The following ANO9 variants were observed in gnomAD, a reference collection of about 807,000 sequenced individuals.
ANO9 encodes the protein anoctamin 9.
Under a neutral mutation model 100.5 loss-of-function variants are expected in ANO9, and 80 were observed. That is an observed-to-expected ratio of 0.80 (90% confidence interval 0.66 to 0.96). The LOEUF (loss-of-function observed/expected upper bound fraction) is 0.96. ANO9 is among the 40% of genes least tolerant of loss of function. The probability of loss-of-function intolerance (pLI) is 0.00; values close to 1 mark genes in which losing one functional copy is unlikely to be tolerated. For synonymous variants in ANO9, 473 were observed against 435.6 expected (o/e 1.09, Z -1.07); for missense variants, 1,064 against 1,072.7 (o/e 0.99, Z 0.11).
rs761279424 is a variant in ANO9, at chr11:421,698, G to C, written c.1335-500C>G. On this transcript the variant is annotated intron_variant, in intron 15 of 22. Transcript: ENST00000332826. This position sits in a 1 kb window ranked among gnomAD's most constrained non-coding sequence, Gnocchi z 6.8. Reference sequence around the variant, plus strand: ...GCCACAGGCTCCAACACACGCTCCAGACAGTGTCTGTTACGAGTGGCCTCG... The same window carrying C: ...GCCACAGGCTCCAACACACGCTCCACACAGTGTCTGTTACGAGTGGCCTCG... 1.3e-4 allele frequency among the ~76,000 whole-genome samples: 20 copies of C among 152,360 alleles called. No individual in the cohort carries two copies. Among genetic ancestry groups the C allele is most frequent in the Non-Finnish European group, 2.5e-4 (17 of 68,044 alleles).
At chr11:440,621 C>G (rs1314192243) in intron 1 of ANO9, 1 of 152,434 alleles carries the variant, frequency 6.6e-6, no homozygotes, top group Non-Finnish European at 1.5e-5. Context: ...CCCAGAACTC[C>G]CAGGCTCGAG....
chr11:434,203 T>G, intron 1 of ANO9, 105 bp from the exon 2 acceptor site: 1 of 1,313,040 alleles, frequency 7.6e-7, no homozygotes, highest in South Asian at 1.4e-5. Context: ...ACACCGTCCC[T>G]CCCCACAAGG....
chr11:428,816 G>A lies in ANO9; in HGVS notation c.926C>T (p.Ala309Val), dbSNP rs1848687844. 1 of 1,613,116 alleles carries A rather than the reference G, an allele frequency of 6.2e-7. No homozygotes were observed. Among genetic ancestry groups the A allele is most frequent in the Non-Finnish European group, 8.5e-7 (1 of 1,179,906 alleles). Reference sequence around the variant, plus strand: ...GTCGGGGCAGTTAATGAGCTGAAGTGCCATTTCCTCCTGGGGAGAGCACCG... The same window carrying A: ...GTCGGGGCAGTTAATGAGCTGAAGTACCATTTCCTCCTGGGGAGAGCACCG... Reference protein sequence around the residue: ...YVWDEEQEEMALQLINCPDYK... With the variant: ...YVWDEEQEEMVLQLINCPDYK... The change falls in exon 12 of 23, where the codon GCA (alanine) becomes GTA (valine). Residue 309 changes from alanine to valine, a missense_variant. Coordinates refer to ENST00000332826, the MANE Select transcript of ANO9 (RefSeq NM_001012302.3).
At position 418,032 on chromosome 11, in the gene ANO9, G is replaced by A. The variant is rs1207937358; in HGVS notation, c.*339C>T. ...CCCCCAACAGCCAGGATGGGGGCACGGCAGGATCTGGCGCCCAGAAGTCAG... is the reference window on the plus strand; with the variant it reads ...CCCCCAACAGCCAGGATGGGGGCACAGCAGGATCTGGCGCCCAGAAGTCAG... On this transcript the variant is annotated 3_prime_UTR_variant, in exon 23 of 23. Coordinates refer to ENST00000332826, the MANE Select transcript of ANO9 (RefSeq NM_001012302.3). 9.6e-6 allele frequency: 3 copies of A among 314,110 alleles called. No individual in the cohort carries two copies. Among genetic ancestry groups the A allele is most frequent in the South Asian group, 5.6e-5 (1 of 17,770 alleles). 19.5% of individuals were successfully genotyped at this position (314,110 alleles called of 1,614,324 possible).
chr11:433,600 GC>G, intron 3 of ANO9, 141 bp from the exon 4 acceptor site: 1 of 1,449,752 alleles, frequency 6.9e-7, no homozygotes, highest in Non-Finnish European at 9.2e-7. Flanking sequence ...TGCCGCTGTG[GC>G]CCAGAGCCAC....
chr11:437,275 G>A (rs900961528), intron 1 of ANO9, among the ~76,000 whole-genome samples: 2 of 152,110 alleles, frequency 1.3e-5, no homozygotes, highest in African/African-American at 4.8e-5. Context: ...TGTCTTCTGC[G>A]AAACTGGTCC....
chr11:439,834 G>A (rs181171720), intron 1 of ANO9, among the ~76,000 whole-genome samples: 57 of 151,552 alleles, frequency 3.8e-4, no homozygotes, highest in African/African-American at 1.3e-3. Context: ...CCCACCCCCC[G>A]GCCCCTCCAG....
rs771981381 is a variant in ANO9, at chr11:428,653, G to A, written c.1021-14C>T. The A allele has an allele frequency of 2.5e-6, 4 of 1,611,980 alleles. No individual in the cohort carries two copies. The highest frequency in any genetic ancestry group is 1.7e-5 in the Admixed American group (1 of 59,976). On this transcript the variant is annotated splice_polypyrimidine_tract_variant and intron_variant, in intron 12 of 22. Coordinates refer to ENST00000332826, the MANE Select transcript of ANO9 (RefSeq NM_001012302.3). ...CATGAGGCAGATCTGCGGGACAGCT[G>A]TGGTGGGCGGGGGCCGGGGAGGGCA...
chr11:420,205 C>G (rs1030124430), intron 19 of ANO9: 1 of 1,399,054 alleles, frequency 7.1e-7, no homozygotes, highest in East Asian at 2.7e-5. Flanking sequence ...GAACCTGGGT[C>G]CCCCTTGGGG....
chr11:420,228 T>G, intron 19 of ANO9: 1 of 1,417,956 alleles, frequency 7.1e-7, no homozygotes. Flanking sequence ...GTCAAGCCCC[T>G]CTGAGATCCT....
Position 433,815 on chromosome 11 carries a change from CT to C in ANO9, c.203del (p.Lys68ArgfsTer2). On this transcript the variant is annotated frameshift_variant and splice_region_variant, in exon 3 of 23. Coordinates refer to ENST00000332826, the MANE Select transcript of ANO9 (RefSeq NM_001012302.3). LOFTEE classifies it high-confidence loss of function. ...EELRRKGFHIKVIRDQKQVFF... is the reference protein window; with the variant it reads ...EELRRKGFHIXVIRDQKQVFF... ...TGCCCCTCGCTGGGCACCCGCCCAC[CT>C]TAATGTGGAAGCCCTTTCTCCTGAG... 6.4e-7 allele frequency: 1 copy of C among 1,559,602 alleles called. No homozygotes were observed. Among genetic ancestry groups the C allele is most frequent in the Non-Finnish European group, 8.7e-7 (1 of 1,152,222 alleles).
In ANO9 at chr11:441,990, T is replaced by C. The variant is rs879200446; in HGVS notation, c.-64A>G. ...CAGGAGAGTGGCTGCCAGCGGCGGGTGCTCCTACCTGACTTCCGCGTGGGG... is the reference window on the plus strand; with the variant it reads ...CAGGAGAGTGGCTGCCAGCGGCGGGCGCTCCTACCTGACTTCCGCGTGGGG... On this transcript the variant is annotated 5_prime_UTR_variant, in exon 1 of 23. Coordinates refer to ENST00000332826, the MANE Select transcript of ANO9 (RefSeq NM_001012302.3). 1.9e-6 allele frequency: 3 copies of C among 1,571,508 alleles called. No individual in the cohort carries two copies. Among genetic ancestry groups the C allele is most frequent in the Non-Finnish European group, 2.6e-6 (3 of 1,166,676 alleles).
intron 15 of ANO9, among the ~76,000 whole-genome samples, chr11:424,591 T>C (rs1014300948): frequency 6.6e-6 from 1 of 152,072 alleles, no homozygotes; most frequent in Non-Finnish European, 1.5e-5. Context: ...TCAAGAAAAA[T>C]CAATTCAGTT....
At chr11:438,804 C>A (rs117931426) in intron 1 of ANO9, among the ~76,000 whole-genome samples, 148 of 152,254 alleles carry the variant, frequency 9.7e-4, no homozygotes, top group Non-Finnish European at 1.8e-3. Context: ...GCAGACTGTT[C>A]GGTTTATCCA....
In ANO9 at chr11:432,294, G is replaced by A. The variant is rs1344230519; in HGVS notation, c.351-240C>T. 1.1e-5 allele frequency: 6 copies of A among 547,228 alleles called. No homozygotes were observed. The highest frequency in any genetic ancestry group is 2.0e-5 in the Non-Finnish European group (6 of 305,038). The allele number at this position is 547,228 out of a possible 1,614,324, so 33.9% of individuals were successfully genotyped here. On this transcript the variant is annotated intron_variant, in intron 4 of 22. Coordinates refer to ENST00000332826, the MANE Select transcript of ANO9 (RefSeq NM_001012302.3). The surrounding 1 kb of genome is among the most constrained non-coding windows in gnomAD (Gnocchi z 4.8). The stretch of plus-strand genomic sequence containing the variant: ...CGTCCAGGATGAGGCTGGGCTGGGG[G>A]CTCCTTCTCCTCCCAGCCCGTCCCT...
intron 3 of ANO9, 121 bp from the exon 4 acceptor site, chr11:433,580 T>G: frequency 7.4e-7 from 1 of 1,358,336 alleles, no homozygotes; most frequent in African/African-American, 2.0e-5. Context: ...CTCAGAACCC[T>G]CCCTTCATCT....
At chr11:433,120 G>T in intron 4 of ANO9, 194 bp downstream of exon 4, 1 of 700,520 alleles carries the variant, frequency 1.4e-6, no homozygotes, top group Non-Finnish European at 2.2e-6. Flanking sequence ...GAACCACCGT[G>T]ATCCTTTAAT....
At chr11:435,036 C>G (rs533936535) in intron 1 of ANO9, among the ~76,000 whole-genome samples, 2 of 152,250 alleles carry the variant, frequency 1.3e-5, no homozygotes, top group South Asian at 4.1e-4. Flanking sequence ...AAAATAGAGG[C>G]CACCCAGTCA....
intron 4 of ANO9, 172 bp downstream of exon 4, chr11:433,142 G>A (rs970107233): frequency 6.0e-6 from 5 of 831,848 alleles, no homozygotes; most frequent in Non-Finnish European, 8.9e-6. Flanking sequence ...GGATGGGGAA[G>A]CTGAGGCTCA....
Sources: allele counts gnomAD v4.1 joint callset (sites outside exome capture counted in the v4.1 genomes callset), GRCh38; gene constraint gnomAD v4.1.1; non-coding constraint Gnocchi (gnomAD v3.1); transcripts MANE v1.5; gene names NCBI Gene and HGNC (gene_info 2026-07-23, HGNC 2026-07-21).